NEK7: variants seen among roughly 807,000 people sequenced by gnomAD.
The protein encoded by NEK7 is serine/threonine-protein kinase Nek7.
NEK7 carries 18 observed loss-of-function variants against 44.6 expected under a neutral mutation model. The ratio of observed to expected loss-of-function variants is 0.40; its 90% CI spans 0.28 to 0.60. The LOEUF is 0.60. Among genes scored for constraint, NEK7 ranks in the 20% least tolerant of loss-of-function variants. The pLI is 0.38. For synonymous variants in NEK7, 130 were observed against 121.1 expected, an observed-to-expected ratio of 1.07 and a Z score of -0.48; for missense variants, 256 against 366.5, an observed-to-expected ratio of 0.70 and a Z score of 2.46.
At chr1:198,226,268 G>A (rs1666221582) in intron 1 of NEK7, among the ~76,000 whole-genome samples, 1 of 151,998 alleles carries the variant, frequency 6.6e-6, no homozygotes, top group African/African-American at 2.4e-5. Flanking sequence ...CTGAAGTCTG[G>A]GCGTGATGGC....
intron 2 of NEK7, among the ~76,000 whole-genome samples, chr1:198,252,334 A>AAAAAAATG (rs1196550792): frequency 2.0e-5 from 3 of 151,620 alleles, no homozygotes; most frequent in African/African-American, 7.3e-5. Context: ...TGTGGTGCTG[A>AAAAAAATG]AAAAAATGTA....
At position 198,206,860 on chromosome 1, in the gene NEK7, A is replaced by G. The variant is rs530110237; in HGVS notation, c.-28-25693A>G. 19 of 152,292 alleles carry G rather than the reference A, an allele frequency of 1.2e-4. No homozygotes were observed. In the East Asian group the frequency reaches 3.5e-3, roughly 28 times the overall value. The allele number at this position is 152,292 out of a possible 1,614,324, so 9.4% of individuals were successfully genotyped here. A position where few individuals can be genotyped will look rare whatever the true frequency, so the allele number is the denominator to read the frequency against. ...TAGTTAATAACCATAGGCATTTTAT[A>G]GAAATAAGAGTAGGAATTCATAAAC... On this transcript the variant is annotated intron_variant, in intron 1 of 9. Coordinates refer to ENST00000367385, the MANE Select transcript of NEK7 (RefSeq NM_133494.3).
chr1:198,263,354 C>T (rs1412006406), intron 4 of NEK7, among the ~76,000 whole-genome samples: 1 of 151,856 alleles, frequency 6.6e-6, no homozygotes, highest in Non-Finnish European at 1.5e-5. Context: ...TTTCTTGGCA[C>T]ATGAAGTAGC....
At chr1:198,191,801 T>C (rs1193717766) in intron 1 of NEK7, among the ~76,000 whole-genome samples, 2 of 152,110 alleles carry the variant, frequency 1.3e-5, no homozygotes, top group African/African-American at 4.8e-5. Context: ...AAGGTGGTAA[T>C]CCTTTGTTTC....
chr1:198,265,825 C>T (rs1653634547), intron 5 of NEK7, among the ~76,000 whole-genome samples: 1 of 152,058 alleles, frequency 6.6e-6, no homozygotes. Flanking sequence ...TACATTAGTA[C>T]ATATGCCTTT....
chr1:198,298,959 C>T (rs946731718), intron 9 of NEK7, among the ~76,000 whole-genome samples: 3 of 152,136 alleles, frequency 2.0e-5, no homozygotes, highest in Non-Finnish European at 4.4e-5. Context: ...GTTGGATATG[C>T]GGATTCTCAG....
At chr1:198,212,650 T>C (rs779372700) in intron 1 of NEK7, among the ~76,000 whole-genome samples, 1 of 152,156 alleles carries the variant, frequency 6.6e-6, no homozygotes, top group Non-Finnish European at 1.5e-5. Flanking sequence ...CTATCTGCCC[T>C]TGTAGGGTAA....
intron 2 of NEK7, among the ~76,000 whole-genome samples, chr1:198,243,228 C>T (rs1666739654): frequency 6.6e-6 from 1 of 152,188 alleles, no homozygotes; most frequent in Non-Finnish European, 1.5e-5. Context: ...TTTTCTGTCA[C>T]ATTCTATATC....
At chr1:198,267,868 T>TA (rs1240231204) in intron 5 of NEK7, among the ~76,000 whole-genome samples, 1 of 151,776 alleles carries the variant, frequency 6.6e-6, no homozygotes, top group African/African-American at 2.4e-5. Context: ...GTCAGACACT[T>TA]ACTCCTGACC....
chr1:198,268,781 G>A (rs1187092670), intron 5 of NEK7, among the ~76,000 whole-genome samples: 1 of 152,092 alleles, frequency 6.6e-6, no homozygotes, highest in African/African-American at 2.4e-5. Flanking sequence ...CAAGTGCCTA[G>A]AGCAGTGCCT....
intron 7 of NEK7, among the ~76,000 whole-genome samples, 179 bp downstream of exon 7, chr1:198,279,240 T>C (rs901367228): frequency 1.3e-5 from 2 of 151,924 alleles, no homozygotes; most frequent in Non-Finnish European, 1.5e-5. Flanking sequence ...AATATGACAG[T>C]TGGATACTTC....
At chr1:198,178,134 TAAGGAAA>T (rs1664659548) in intron 1 of NEK7, among the ~76,000 whole-genome samples, 1 of 152,054 alleles carries the variant, frequency 6.6e-6, no homozygotes, top group Non-Finnish European at 1.5e-5. Flanking sequence ...CCAAGATTTA[TAAGGAAA>T]ATACATCAGA....
chr1:198,226,869 CTT>C (rs34619769), intron 1 of NEK7, among the ~76,000 whole-genome samples: 2 of 151,244 alleles, frequency 1.3e-5, no homozygotes, highest in Non-Finnish European at 2.9e-5. Flanking sequence ...GATTGTAGAT[CTT>C]TTTTTTTTCA....
At chr1:198,230,940 G>A (rs57985367) in intron 1 of NEK7, among the ~76,000 whole-genome samples, 2,644 of 151,952 alleles carry the variant, frequency 0.017, 77 homozygotes, top group African/African-American at 0.061. Context: ...GTGTTCATGG[G>A]TTTGAAGACC....
chr1:198,208,234 G>A (rs539022991), intron 1 of NEK7, among the ~76,000 whole-genome samples: 3 of 152,300 alleles, frequency 2.0e-5, no homozygotes, highest in East Asian at 3.9e-4. Flanking sequence ...GATATAGTAT[G>A]TGCAAAATTG....
At chr1:198,208,990 C>A (rs765725665) in intron 1 of NEK7, among the ~76,000 whole-genome samples, 2 of 151,484 alleles carry the variant, frequency 1.3e-5, no homozygotes, top group African/African-American at 2.4e-5. Context: ...GCTAATATGT[C>A]TCTATTTCAT....
At chr1:198,222,990 G>C (rs1302471933) in intron 1 of NEK7, among the ~76,000 whole-genome samples, 1 of 152,042 alleles carries the variant, frequency 6.6e-6, no homozygotes, top group Non-Finnish European at 1.5e-5. Context: ...CAAATACAAA[G>C]GCCTGATGCC....
intron 1 of NEK7, among the ~76,000 whole-genome samples, chr1:198,217,073 G>T (rs986150008): frequency 1.3e-5 from 2 of 152,062 alleles, no homozygotes; most frequent in East Asian, 3.9e-4. Flanking sequence ...TAAAGATTGA[G>T]AAGGAGAGAA....
chr1:198,161,471 C>T (rs538122141), intron 1 of NEK7, among the ~76,000 whole-genome samples: 2 of 152,194 alleles, frequency 1.3e-5, no homozygotes, highest in Admixed American at 6.5e-5. Flanking sequence ...AAAATAATAC[C>T]AGAGGTCTAA....
Sources: allele counts gnomAD v4.1 joint callset (sites outside exome capture counted in the v4.1 genomes callset), GRCh38; gene constraint gnomAD v4.1.1; transcripts MANE v1.5; gene names NCBI Gene and HGNC (gene_info 2026-07-23, HGNC 2026-07-21).